The following ROBO1 variants were observed in gnomAD, a reference collection of about 807,000 sequenced individuals.
ROBO1 encodes roundabout guidance receptor 1.
Under a neutral mutation model 195.9 loss-of-function variants are expected in ROBO1, and 149 were observed. The ratio of observed to expected loss-of-function variants is 0.76; its 90% CI spans 0.67 to 0.87. The LOEUF (loss-of-function observed/expected upper bound fraction) is 0.87, where lower values mean the gene tolerates loss of function less well. Among genes scored for constraint, ROBO1 ranks in the 40% least tolerant of loss-of-function variants. The pLI, the probability that ROBO1 is intolerant of heterozygous loss-of-function variation, is 0.00. For synonymous variants in ROBO1, 816 were observed against 733.2 expected, an observed-to-expected ratio of 1.11 and a Z score of -1.82; for missense variants, 1,933 against 2,068.3, an observed-to-expected ratio of 0.93 and a Z score of 1.27.
chr3:78,788,279 A>G (rs925655653), intron 4 of ROBO1, among the ~76,000 whole-genome samples: 1 of 137,960 alleles, frequency 7.2e-6, no homozygotes, highest in African/African-American at 2.7e-5. Flanking sequence ...CCACGCCCAG[A>G]TAATTTTTTT....
intron 2 of ROBO1, among the ~76,000 whole-genome samples, chr3:79,284,601 T>C (rs1028840434): frequency 6.6e-6 from 1 of 152,176 alleles, no homozygotes; most frequent in Non-Finnish European, 1.5e-5. Context: ...TTGGTAATTG[T>C]TGTAAAATGA....
chr3:79,520,363 G>A (rs1941157221), intron 2 of ROBO1, among the ~76,000 whole-genome samples: 1 of 152,200 alleles, frequency 6.6e-6, no homozygotes, highest in South Asian at 2.1e-4. Context: ...ATTCAATGAT[G>A]TCCCTCATCT....
chr3:79,306,507 G>GT (rs1292990296), intron 2 of ROBO1, among the ~76,000 whole-genome samples: 1 of 152,072 alleles, frequency 6.6e-6, no homozygotes, highest in Non-Finnish European at 1.5e-5. Flanking sequence ...AATCTTTTCC[G>GT]TTTTTTTGTT....
chr3:79,763,924 G>C (rs1428589441), intron 1 of ROBO1, among the ~76,000 whole-genome samples: 2 of 152,130 alleles, frequency 1.3e-5, no homozygotes, highest in Non-Finnish European at 2.9e-5. Context: ...GGGAAAATAG[G>C]TAGGTCCAGT....
intron 2 of ROBO1, among the ~76,000 whole-genome samples, chr3:79,320,614 A>G (rs911693594): frequency 1.6e-4 from 25 of 152,162 alleles, no homozygotes; most frequent in African/African-American, 5.8e-4. Context: ...CACATCTTTA[A>G]TACCATCACA....
At chr3:79,619,119 C>A (rs12491579) in intron 1 of ROBO1, among the ~76,000 whole-genome samples, 1 of 5,522 alleles carries the variant, frequency 1.8e-4, no homozygotes, top group Non-Finnish European at 3.1e-4. Context: ...CACCTGCCCT[C>A]ATCATTCACC....
At chr3:78,658,685 T>G (rs1051910447) in intron 17 of ROBO1, among the ~76,000 whole-genome samples, 2 of 152,264 alleles carry the variant, frequency 1.3e-5, no homozygotes, top group African/African-American at 2.4e-5. Context: ...AAAAGAAATC[T>G]AAGCCTAGTC....
chr3:79,512,883 T>A (rs543222328), intron 2 of ROBO1: 2 of 152,308 alleles, frequency 1.3e-5, no homozygotes, highest in South Asian at 2.1e-4. Context: ...GCAGATCTTC[T>A]GAGTTAAAGT....
At chr3:79,669,233 CT>C (rs1006496471) in intron 1 of ROBO1, among the ~76,000 whole-genome samples, 21 of 151,760 alleles carry the variant, frequency 1.4e-4, no homozygotes, top group African/African-American at 4.8e-4. Context: ...TGTACCAGCT[CT>C]CTTTTTTTGC....
chr3:79,498,480 A>G (rs899849771), intron 2 of ROBO1, among the ~76,000 whole-genome samples: 4 of 152,224 alleles, frequency 2.6e-5, no homozygotes, highest in Admixed American at 2.0e-4. Context: ...TAAGATGAGA[A>G]TCTTATTTCT....
At chr3:78,907,418 T>C (rs766342575) in intron 4 of ROBO1, among the ~76,000 whole-genome samples, 5 of 152,100 alleles carry the variant, frequency 3.3e-5, no homozygotes, top group East Asian at 3.9e-4. Context: ...TAGTTCATAC[T>C]AGCATTGTGC....
intron 4 of ROBO1, among the ~76,000 whole-genome samples, chr3:78,920,586 T>G (rs1560001246): frequency 6.7e-6 from 1 of 149,978 alleles, no homozygotes; most frequent in South Asian, 2.1e-4. Context: ...ATTACAGGCA[T>G]GAGCCACCGT....
chr3:79,267,269 T>C (rs1298615166), intron 2 of ROBO1, among the ~76,000 whole-genome samples: 1 of 151,558 alleles, frequency 6.6e-6, no homozygotes. Flanking sequence ...CTATTTATAG[T>C]CCTGGGTCCA....
At chr3:79,466,475 G>C (rs1937964763) in intron 2 of ROBO1, among the ~76,000 whole-genome samples, 1 of 152,160 alleles carries the variant, frequency 6.6e-6, no homozygotes, top group South Asian at 2.1e-4. Flanking sequence ...CAAGTTAAAT[G>C]AGCTAGCTTT....
chr3:78,726,651 T>C (rs1315525853), intron 5 of ROBO1, among the ~76,000 whole-genome samples: 1 of 152,164 alleles, frequency 6.6e-6, no homozygotes, highest in Non-Finnish European at 1.5e-5. Flanking sequence ...GCCTGGATCT[T>C]TGACCTAGAG....
chr3:79,100,216 A>G (rs1288330837), intron 3 of ROBO1, among the ~76,000 whole-genome samples: 3 of 151,804 alleles, frequency 2.0e-5, no homozygotes, highest in Non-Finnish European at 4.4e-5. Flanking sequence ...AGTGATGGAT[A>G]TAAATTAATG....
chr3:79,347,512 A>T (rs531112283), intron 2 of ROBO1, among the ~76,000 whole-genome samples: 1 of 152,198 alleles, frequency 6.6e-6, no homozygotes, highest in Non-Finnish European at 1.5e-5. Context: ...CCTATTTGTC[A>T]CTAAATTAAT....
intron 2 of ROBO1, among the ~76,000 whole-genome samples, chr3:79,390,446 C>G (rs2036906457): frequency 6.6e-6 from 1 of 151,802 alleles, no homozygotes; most frequent in African/African-American, 2.4e-5. Context: ...AGGAGGCACA[C>G]CAACATTTAG....
chr3:79,629,085 G>T (rs1437612848), intron 1 of ROBO1, among the ~76,000 whole-genome samples: 1 of 152,130 alleles, frequency 6.6e-6, no homozygotes, highest in Non-Finnish European at 1.5e-5. Context: ...GCATTAGACA[G>T]ATCATTGAGG....
Sources: gnomAD v4.1 joint callset for allele counts (sites outside exome capture counted in the v4.1 genomes callset) on GRCh38, gnomAD v4.1.1 for gene constraint, MANE v1.5 for transcripts, NCBI Gene and HGNC (gene_info 2026-07-23, HGNC 2026-07-21) for gene names.